Variants in FOCAD observed in about 807,000 individuals in gnomAD.
FOCAD encodes KIAA1797.
FOCAD carries 198 observed loss-of-function variants against 225.6 expected under a neutral mutation model. The observed-to-expected ratio is 0.88, with a 90% CI of 0.78 to 0.99. FOCAD has a LOEUF of 0.99. FOCAD is among the 50% of genes least tolerant of loss of function. FOCAD has a pLI of 0.00. For missense variants in FOCAD, 2,713 were observed against 2,123.6 expected (o/e 1.28, Z -5.46); for synonymous variants, 897 against 755.0 (o/e 1.19, Z -3.08).
intron 6 of FOCAD, among the ~76,000 whole-genome samples, 158 bp downstream of exon 6, chr9:20,758,349 C>G (rs903121210): frequency 6.6e-6 from 1 of 151,478 alleles, no homozygotes; most frequent in African/African-American, 2.4e-5. Context: ...TTGTAGTTTT[C>G]TTTTCTTTTT....
chr9:20,742,559 C>T (rs1019222867), intron 5 of FOCAD, among the ~76,000 whole-genome samples: 1 of 152,196 alleles, frequency 6.6e-6, no homozygotes, highest in Non-Finnish European at 1.5e-5. Context: ...AGAGTCAGAA[C>T]TGCATTTTAG....
intron 5 of FOCAD, among the ~76,000 whole-genome samples, chr9:20,757,873 T>C (rs1305663590): frequency 1.3e-5 from 2 of 152,202 alleles, no homozygotes; most frequent in Non-Finnish European, 2.9e-5. Context: ...TGTGTCCATT[T>C]TGTTTTCTGC....
chr9:20,923,792 T>C (rs1487903537), intron 25 of FOCAD, 24 bp downstream of exon 25: 2 of 1,559,426 alleles, frequency 1.3e-6, no homozygotes, highest in Non-Finnish European at 1.8e-6. Flanking sequence ...ATTTAAACAA[T>C]TGGCTTTGAT....
chr9:20,693,261 T>G (rs1195264048), intron 1 of FOCAD, among the ~76,000 whole-genome samples: 1 of 152,188 alleles, frequency 6.6e-6, no homozygotes, highest in African/African-American at 2.4e-5. Context: ...CTGCTACTCT[T>G]TCCGCCTAGA....
At chr9:20,757,193 T>C (rs537725494) in intron 5 of FOCAD, among the ~76,000 whole-genome samples, 1 of 152,318 alleles carries the variant, frequency 6.6e-6, no homozygotes, top group African/African-American at 2.4e-5. Context: ...CCTCCCAAAG[T>C]GCTGGGATTA....
intron 15 of FOCAD, among the ~76,000 whole-genome samples, chr9:20,830,912 A>T (rs1825420686): frequency 6.6e-6 from 1 of 152,014 alleles, no homozygotes. Flanking sequence ...TCCTTGGCTC[A>T]AGCAGTCCTC....
chr9:20,798,561 C>T (rs1422421017), intron 11 of FOCAD, among the ~76,000 whole-genome samples: 1 of 152,072 alleles, frequency 6.6e-6, no homozygotes, highest in African/African-American at 2.4e-5. Context: ...CAACTTCTTC[C>T]TGGTTTAGTC....
At chr9:20,903,535 G>T (rs551092798) in intron 21 of FOCAD, among the ~76,000 whole-genome samples, 37 of 151,922 alleles carry the variant, frequency 2.4e-4, no homozygotes, top group African/African-American at 8.2e-4. Context: ...TCTCTCTTTA[G>T]TAAGAATAAA....
chr9:20,910,586 C>T (rs959260654), intron 22 of FOCAD, among the ~76,000 whole-genome samples: 1 of 151,964 alleles, frequency 6.6e-6, no homozygotes, highest in East Asian at 1.9e-4. Context: ...GATTAAAAAT[C>T]AGAGGGGATA....
chr9:20,768,673 A>C (rs1262277779), intron 7 of FOCAD, among the ~76,000 whole-genome samples: 1 of 152,200 alleles, frequency 6.6e-6, no homozygotes, highest in Non-Finnish European at 1.5e-5. Context: ...ATTTTAAAAT[A>C]CAAGCTTTAG....
At chr9:20,908,227 G>C (rs1363154195) in intron 22 of FOCAD, among the ~76,000 whole-genome samples, 1 of 152,010 alleles carries the variant, frequency 6.6e-6, no homozygotes, top group Non-Finnish European at 1.5e-5. Context: ...TTATGTCCCA[G>C]AGTAAGATTT....
chr9:20,978,409 A>C lies in FOCAD; in HGVS notation c.4332A>C (p.Ala1444=), dbSNP rs759991543. 1.1e-5 allele frequency: 17 copies of C among 1,612,340 alleles called. No homozygotes were observed. Among genetic ancestry groups the C allele is most frequent in the Non-Finnish European group, 1.4e-5 (17 of 1,179,104 alleles). Reference sequence around the variant, plus strand: ...CACAGTCATCCCAGAATGCAGCTGCACTATTGGGCTTGTGGGTGACACCAC... The same window carrying C: ...CACAGTCATCCCAGAATGCAGCTGCCCTATTGGGCTTGTGGGTGACACCAC... ...TQAQSSQNAA[A]LLGLWVTPPL... The change falls in exon 37 of 44, where the codon GCA becomes GCC. Residue 1444 remains alanine, a synonymous_variant. Transcript: ENST00000338382.
In FOCAD at chr9:20,957,187, C is replaced by T. The variant is rs373748678; in HGVS notation, c.4132+4122C>T. 4.6e-5 allele frequency among the ~76,000 whole-genome samples: 7 copies of T among 152,188 alleles called. No individual in the cohort carries two copies. The East Asian group carries it at 1.4e-3, about 29-fold the overall frequency. ...CAAGTGATCCTTCTGCCTCAGCCCC[C>T]CAGGTAGCTAGGAGTGCAGGTACAT... On this transcript the variant is annotated intron_variant, in intron 35 of 43. Transcript: ENST00000338382.
chr9:20,871,100 A>C (rs929878717), intron 18 of FOCAD, among the ~76,000 whole-genome samples: 1 of 151,868 alleles, frequency 6.6e-6, no homozygotes, highest in East Asian at 1.9e-4. Flanking sequence ...GCTACTCGGG[A>C]GGCTGAGGTA....
At chr9:20,675,144 G>A (rs1370479132) in intron 2 of FOCAD, among the ~76,000 whole-genome samples, 1 of 152,160 alleles carries the variant, frequency 6.6e-6, no homozygotes, top group African/African-American at 2.4e-5. Context: ...GAACCACATG[G>A]CCATGACTTG....
intron 15 of FOCAD, among the ~76,000 whole-genome samples, chr9:20,825,457 GGTAATGATTT>G (rs1824789350): frequency 6.6e-6 from 1 of 152,002 alleles, no homozygotes; most frequent in Admixed American, 6.6e-5. Flanking sequence ...GGTGGCATTT[GGTAATGATTT>G]GTCTATCTGT....
intron 15 of FOCAD, among the ~76,000 whole-genome samples, chr9:20,838,763 A>G (rs1311249542): frequency 6.6e-6 from 1 of 152,080 alleles, no homozygotes; most frequent in Non-Finnish European, 1.5e-5. Flanking sequence ...TTATTATTTG[A>G]GTTCCCCATG....
chr9:20,740,990 C>G (rs1235213414), intron 5 of FOCAD, among the ~76,000 whole-genome samples: 5 of 152,130 alleles, frequency 3.3e-5, no homozygotes, highest in East Asian at 1.9e-4. Context: ...GAGAGGGGCT[C>G]TGAGTTAGCA....
At chr9:20,815,311 T>TG (rs1308210369) in intron 11 of FOCAD, among the ~76,000 whole-genome samples, 1 of 144,570 alleles carries the variant, frequency 6.9e-6, no homozygotes, top group Non-Finnish European at 1.5e-5. Context: ...TTTTTGTAGT[T>TG]TTTTTTTTTT....
Sources: allele counts gnomAD v4.1 joint callset (sites outside exome capture counted in the v4.1 genomes callset), GRCh38; gene constraint gnomAD v4.1.1; transcripts MANE v1.5; gene names NCBI Gene and HGNC (gene_info 2026-07-23, HGNC 2026-07-21).